FILIP1L: variants seen among roughly 807,000 people sequenced by gnomAD.
FILIP1L encodes filamin A-interacting protein 1-like.
Under a neutral mutation model 96.6 loss-of-function variants are expected in FILIP1L, and 55 were observed. The observed-to-expected ratio is 0.57, with a 90% CI of 0.46 to 0.71. The LOEUF (loss-of-function observed/expected upper bound fraction) is 0.71, where lower values mean the gene tolerates loss of function less well. FILIP1L is among the 30% of genes least tolerant of loss of function. FILIP1L has a pLI of 0.00. For missense variants in FILIP1L, 1,304 were observed against 1,321.2 expected (o/e 0.99, Z 0.20); for synonymous variants, 467 against 473.9 (o/e 0.99, Z 0.19).
At chr3:99,958,687 G>C (rs1369315995) in intron 1 of FILIP1L, among the ~76,000 whole-genome samples, 1 of 152,222 alleles carries the variant, frequency 6.6e-6, no homozygotes, top group East Asian at 1.9e-4. Context: ...AGAGCAGGCA[G>C]TGTGAGGCAT....
At chr3:99,843,969 G>C (rs1364149016) in intron 5 of FILIP1L, among the ~76,000 whole-genome samples, 2 of 152,158 alleles carry the variant, frequency 1.3e-5, no homozygotes, top group Admixed American at 6.5e-5. Context: ...TGAGTGGACA[G>C]TTTCATCCTG....
chr3:100,033,968 A>C (rs1422846777), intron 1 of FILIP1L, among the ~76,000 whole-genome samples: 1 of 152,162 alleles, frequency 6.6e-6, no homozygotes, highest in African/African-American at 2.4e-5. Flanking sequence ...TTTAATCCAG[A>C]TTTCTTTGAA....
intron 1 of FILIP1L, among the ~76,000 whole-genome samples, chr3:99,933,103 A>T (rs1030914541): frequency 6.6e-5 from 10 of 152,210 alleles, no homozygotes; most frequent in Non-Finnish European, 1.3e-4. Flanking sequence ...TGCACAGCTA[A>T]TAAGTGGCAA....
intron 4 of FILIP1L, among the ~76,000 whole-genome samples, chr3:99,867,258 T>C (rs1348823186): frequency 6.6e-6 from 1 of 152,184 alleles, no homozygotes; most frequent in Non-Finnish European, 1.5e-5. Context: ...ATTTAGTTTA[T>C]CTATGTGAGA....
chr3:100,050,220 T>G (rs1421558894), intron 1 of FILIP1L, among the ~76,000 whole-genome samples: 2 of 152,176 alleles, frequency 1.3e-5, no homozygotes, highest in East Asian at 3.8e-4. Flanking sequence ...GAAGAATCCT[T>G]CTTAAAAATA....
chr3:99,872,269 C>CTGTGTGTGTGTGTGTGTGTG lies in FILIP1L; in HGVS notation c.606-21219_606-21200dup, dbSNP rs55727823. Reference sequence around the variant, plus strand: ...ATTCTGTGGATATTCTGTGCCAGGACTGTGTGTGTGTGTGTGTGTGTGTGT... The same window carrying CTGTGTGTGTGTGTGTGTGTG: ...ATTCTGTGGATATTCTGTGCCAGGACTGTGTGTGTGTGTGTGTGTGTGTGTGTGTGTGTGTGTGTGTGTGT... On this transcript the variant is annotated intron_variant, in intron 4 of 5. Transcript: ENST00000477258. Among the ~76,000 whole-genome samples, 64 of 110,818 alleles carry CTGTGTGTGTGTGTGTGTGTG rather than the reference C, an allele frequency of 5.8e-4. 1 individual carries two copies. Among genetic ancestry groups the CTGTGTGTGTGTGTGTGTGTG allele is most frequent in the East Asian group, 6.4e-4 (2 of 3,138 alleles). The allele number at this position is 110,818 out of a possible 152,430, so 72.7% of individuals were successfully genotyped here.
At chr3:99,994,160 T>C (rs1709604402) in intron 1 of FILIP1L, among the ~76,000 whole-genome samples, 1 of 152,220 alleles carries the variant, frequency 6.6e-6, no homozygotes, top group Non-Finnish European at 1.5e-5. Flanking sequence ...CTACTCATTA[T>C]TGGTCTGTTC....
intron 3 of FILIP1L, among the ~76,000 whole-genome samples, chr3:99,927,509 A>G (rs1043906561): frequency 6.6e-6 from 1 of 151,902 alleles, no homozygotes; most frequent in Admixed American, 6.6e-5. Context: ...AGCTGGGATT[A>G]CAGGCATGTG....
At chr3:99,958,676 CA>C (rs1241669000) in intron 1 of FILIP1L, among the ~76,000 whole-genome samples, 1 of 152,094 alleles carries the variant, frequency 6.6e-6, no homozygotes, top group Non-Finnish European at 1.5e-5. Flanking sequence ...GAGCTGGGGG[CA>C]GAGCAGGCAG....
chr3:99,938,069 G>C (rs998482026), intron 1 of FILIP1L, among the ~76,000 whole-genome samples: 2 of 94,394 alleles, frequency 2.1e-5, no homozygotes, highest in East Asian at 8.8e-4. Flanking sequence ...GTGTGTGTGT[G>C]TGTGTGCGCG....
intron 1 of FILIP1L, among the ~76,000 whole-genome samples, chr3:99,941,412 C>G (rs1025640502): frequency 6.6e-6 from 1 of 152,156 alleles, no homozygotes; most frequent in Non-Finnish European, 1.5e-5. Flanking sequence ...CTTAGTAAAG[C>G]CATCTCAGAG....
chr3:100,095,045 C>T (rs576024425), intron 1 of FILIP1L, among the ~76,000 whole-genome samples: 124 of 152,228 alleles, frequency 8.1e-4, no homozygotes, highest in African/African-American at 2.8e-3. Context: ...ACCAGGCAGG[C>T]ATATTTGCAT....
intron 1 of FILIP1L, among the ~76,000 whole-genome samples, chr3:100,110,936 G>A (rs983123515): frequency 8.6e-5 from 13 of 152,018 alleles, no homozygotes; most frequent in African/African-American, 2.9e-4. Context: ...TTTGCATGTA[G>A]GTGGATATAC....
intron 1 of FILIP1L, among the ~76,000 whole-genome samples, chr3:100,010,778 ATTT>A (rs11371196): frequency 1.1e-5 from 1 of 93,678 alleles, no homozygotes; most frequent in African/African-American, 4.4e-5. Context: ...CCACGCCCGG[ATTT>A]TTTTTTTTTT....
chr3:100,081,025 A>G (rs752097247), intron 1 of FILIP1L, among the ~76,000 whole-genome samples: 20 of 152,208 alleles, frequency 1.3e-4, no homozygotes, highest in Non-Finnish European at 2.4e-4. Flanking sequence ...TCTGTTGAGC[A>G]TCTTGTGTAA....
chr3:99,830,879 T>A (rs796977), intron 5 of FILIP1L, among the ~76,000 whole-genome samples: 112,073 of 152,154 alleles, frequency 0.74, 41,932 homozygotes, highest in African/African-American at 0.88. Flanking sequence ...GTAGGACATA[T>A]ACAAGAGTAG....
rs563960126 is a variant in FILIP1L, at chr3:100,036,451, G to A, written c.-11+77602C>T. Among the ~76,000 whole-genome samples, 48 of 152,252 alleles carry A rather than the reference G, an allele frequency of 3.2e-4. No homozygotes were observed. In the South Asian group the frequency reaches 6.9e-3, roughly 22 times the overall value. On this transcript the variant is annotated intron_variant, in intron 1 of 5. Transcript: ENST00000477258. The stretch of plus-strand genomic sequence containing the variant: ...CCTAATCTGAAACAACCTGAAGAGC[G>A]AAATAATTATAAAATGGAAGGTGAC...
chr3:100,087,404 G>A (rs2066028652), intron 1 of FILIP1L, among the ~76,000 whole-genome samples: 1 of 152,036 alleles, frequency 6.6e-6, no homozygotes, highest in Admixed American at 6.6e-5. Flanking sequence ...TGGTTGACTG[G>A]GTTTTGTTTT....
intron 1 of FILIP1L, among the ~76,000 whole-genome samples, chr3:99,991,286 G>A (rs1709503421): frequency 6.6e-6 from 1 of 152,098 alleles, no homozygotes; most frequent in Non-Finnish European, 1.5e-5. Context: ...GAAGTGTGAG[G>A]CCTACCTGCA....
Sources: allele counts gnomAD v4.1 joint callset (sites outside exome capture counted in the v4.1 genomes callset), GRCh38; gene constraint gnomAD v4.1.1; transcripts MANE v1.5; gene names NCBI Gene and HGNC (gene_info 2026-07-23, HGNC 2026-07-21).